Variants in WIZ observed in about 807,000 individuals in gnomAD.
WIZ encodes WIZ zinc finger, also known as protein Wiz.
WIZ carries 25 observed loss-of-function variants against 140.2 expected under a neutral mutation model. The ratio of observed to expected loss-of-function variants is 0.18; its 90% CI spans 0.13 to 0.25. The LOEUF (loss-of-function observed/expected upper bound fraction) is 0.25, where lower values mean the gene tolerates loss of function less well. Ranked by LOEUF, WIZ falls within the 10% of genes least tolerant of loss-of-function variation. The pLI, the probability that WIZ is intolerant of heterozygous loss-of-function variation, is 1.00. For missense variants in WIZ, 2,231 were observed against 2,632.6 expected (o/e 0.85, Z 3.34); for synonymous variants, 1,125 against 1,154.3 (o/e 0.97, Z 0.51).
rs991112205 is a variant in WIZ at position 15,422,746 on chromosome 19, C to A, written c.*330G>T. 5.3e-6 allele frequency: 2 copies of A among 378,980 alleles called. No individual in the cohort carries two copies. The highest frequency in any genetic ancestry group is 2.1e-5 in the African/African-American group (1 of 48,704). 23.5% of individuals were successfully genotyped at this position (378,980 alleles called of 1,614,324 possible). ...GCAAATGGCCACGGATGGCAGACAT[C>A]GCCCTGCCTGGCTGCTAGACGGGGG... On this transcript the variant is annotated 3_prime_UTR_variant, in exon 13 of 13. Coordinates refer to ENST00000673675, the MANE Select transcript of WIZ (RefSeq NM_001371589.1).
rs768538747 is a variant in WIZ, at chr19:15,427,126, G to A, written c.4222C>T (p.Pro1408Ser). 2 of 1,614,206 alleles carry A rather than the reference G, an allele frequency of 1.2e-6. No individual in the cohort carries two copies. Among genetic ancestry groups the A allele is most frequent in the Admixed American group, 1.7e-5 (1 of 60,020 alleles). ...GGCTTCAGCTTCTTGGGCAAGGAGG[G>A]TGCAGCCAGGCCTGGGAACATCTTT... is the stretch of plus-strand genomic sequence containing the variant. ...ARKMFPGLAA[P>S]SLPKKLKPEQ... The change falls in exon 9 of 13, where the codon CCC becomes TCC. Residue 1408 changes from proline to serine, a missense_variant. Physicochemically the swap from Pro to Ser is moderately conservative, Grantham distance 74 (BLOSUM62 -1). Coordinates refer to ENST00000673675, the MANE Select transcript of WIZ (RefSeq NM_001371589.1). The surrounding 1 kb of genome is among the most constrained non-coding windows in gnomAD (Gnocchi z 6.4).
rs77626691 is a variant in WIZ, at chr19:15,424,468, G to T, written c.5315-90C>A. The stretch of plus-strand genomic sequence containing the variant: ...CAAGAGCTGAGGACTGATGCTACCT[G>T]GATGGGTGGGATGGGGGATGGATGG... On this transcript the variant is annotated intron_variant, in intron 11 of 12. Coordinates refer to ENST00000673675, the MANE Select transcript of WIZ (RefSeq NM_001371589.1). The surrounding 1 kb of genome is among the most constrained non-coding windows in gnomAD (Gnocchi z 9.7). 3,634 of 1,530,000 alleles carry T rather than the reference G, an allele frequency of 2.4e-3. 67 individuals are homozygous for T. In the African/African-American group the frequency reaches 0.047, roughly 20 times the overall value. 94.8% of individuals were successfully genotyped at this position (1,530,000 alleles called of 1,614,324 possible).
In WIZ at chr19:15,423,355, G is replaced by A; in HGVS notation, c.5511-120C>T. 3 of 1,285,464 alleles carry A rather than the reference G, an allele frequency of 2.3e-6. No homozygotes were observed. The South Asian group carries it at 4.5e-5, about 19-fold the overall frequency. 79.6% of individuals were successfully genotyped at this position (1,285,464 alleles called of 1,614,324 possible). A position where few individuals can be genotyped will look rare whatever the true frequency, so the allele number is the denominator to read the frequency against. ...CAGTGTGGACAGAGCCAGCCCAGGA[G>A]GCGGGGGAAGAGGGACCCAGAAGTC... On this transcript the variant is annotated intron_variant, in intron 12 of 12. Coordinates refer to ENST00000673675, the MANE Select transcript of WIZ (RefSeq NM_001371589.1).
chr19:15,448,109 T>A lies in WIZ; in HGVS notation c.199A>T (p.Ile67Phe), dbSNP rs1969981926. ...PRDILDGRGG[I>F]SDGQPHPGLS... Reference sequence around the variant, plus strand: ...ACACGGCCCATTCTCTTACCAGAGATGCCACCTCTGCCATCCAGAATGTCT... The same window carrying A: ...ACACGGCCCATTCTCTTACCAGAGAAGCCACCTCTGCCATCCAGAATGTCT... The change falls in exon 2 of 13, where the codon ATC becomes TTC. Residue 67 changes from isoleucine (I) to phenylalanine (F), a missense_variant. By Grantham distance (21) the Ile-to-Phe change is conservative (BLOSUM62 0). This residue lies in a region of WIZ where 85 missense variants were observed against 90.9 expected (regional missense o/e 0.94). Transcript: ENST00000673675. 1 of 1,612,076 alleles carries A rather than the reference T, an allele frequency of 6.2e-7. No individual in the cohort carries two copies. The highest frequency in any genetic ancestry group is 2.2e-5 in the East Asian group (1 of 44,812).
rs1599724672 is a variant in WIZ at position 15,449,718 on chromosome 19, C to T, written c.-61+80G>A. 2.8e-5 allele frequency: 4 copies of T among 140,946 alleles called. 1 individual carries two copies. Among genetic ancestry groups the T allele is most frequent in the South Asian group, 2.3e-4 (1 of 4,316 alleles). 8.7% of individuals were successfully genotyped at this position (140,946 alleles called of 1,614,324 possible). ...CCCCGCCCCGGGGGGTCCCGCCTGG[C>T]CCGGCCCGGCCCGGGGCCTCCCCCG... On this transcript the variant is annotated intron_variant, in intron 1 of 12. Transcript: ENST00000673675.
intron 12 of WIZ, among the ~76,000 whole-genome samples, 159 bp from the exon 13 acceptor site, chr19:15,423,394 G>T (rs768022195): frequency 7.2e-5 from 11 of 152,262 alleles, no homozygotes; most frequent in African/African-American, 2.6e-4. Context: ...CGTTTCCCAT[G>T]GACAGCCACC....
At position 15,439,929 on chromosome 19, in the gene WIZ, C is replaced by A. The variant is rs759144037; in HGVS notation, c.1065G>T (p.Gly355=). Residue 355 remains glycine, a synonymous_variant, in exon 4 of 13, where the codon GGG becomes GGT. Coordinates refer to ENST00000673675, the MANE Select transcript of WIZ (RefSeq NM_001371589.1). This position sits in a 1 kb window ranked among gnomAD's most constrained non-coding sequence, Gnocchi z 7.0. ...GGTCAGCAAAGGCCCAGCCACACTC[C>A]CCGCAGGCCAGCGGGGCCAGGTCCG... ...PPADLAPLAC[G]ECGWAFADPT... is the part of the protein sequence containing the mutation. The A allele has an allele frequency of 2.0e-6, 3 of 1,532,394 alleles. No individual in the cohort carries two copies. Among genetic ancestry groups the A allele is most frequent in the Non-Finnish European group, 2.6e-6 (3 of 1,144,916 alleles). The allele number at this position is 1,532,394 out of a possible 1,614,324, so 94.9% of individuals were successfully genotyped here. A position where few individuals can be genotyped will look rare whatever the true frequency, so the allele number is the denominator to read the frequency against.
rs781512623 is a variant in WIZ at position 15,423,242 on chromosome 19, G to A, written c.5511-7C>T. 6 of 1,612,668 alleles carry A rather than the reference G, an allele frequency of 3.7e-6. No homozygotes were observed. The highest frequency in any genetic ancestry group is 4.5e-5 in the East Asian group (2 of 44,880). ...GAATTCCACCTCACAGAACCTGCAT[G>A]GGGGAACAGAGAGAGGGAGTGGCCA... On this transcript the variant is annotated splice_polypyrimidine_tract_variant and splice_region_variant and intron_variant, in intron 12 of 12. Coordinates refer to ENST00000673675, the MANE Select transcript of WIZ (RefSeq NM_001371589.1).
chr19:15,439,688 A>T lies in WIZ; in HGVS notation c.1306T>A (p.Phe436Ile). Residue 436 changes from phenylalanine to isoleucine, a missense_variant, in exon 4 of 13, where the codon TTT becomes ATT. Coordinates refer to ENST00000673675, the MANE Select transcript of WIZ (RefSeq NM_001371589.1). The surrounding 1 kb of genome is among the most constrained non-coding windows in gnomAD (Gnocchi z 7.0). ...EPPGQTTKEP[F>I]GGSSGAGSPS... ...CTGCCAGCCCCGCTGCTGCCTCCAA[A>T]AGGCTCTTTGGTGGTCTGGCCTGGG... 6.7e-7 allele frequency: 1 copy of T among 1,500,804 alleles called. No homozygotes were observed. The allele number at this position is 1,500,804 out of a possible 1,614,324, so 93.0% of individuals were successfully genotyped here.
chr19:15,423,372 C>A, intron 12 of WIZ, 137 bp from the exon 13 acceptor site: 1 of 1,113,474 alleles, frequency 9.0e-7, no homozygotes, highest in East Asian at 2.6e-5. Context: ...GAAGAGGGAC[C>A]CAGAAGTCAG....
rs140038466 is a variant in WIZ at position 15,437,994 on chromosome 19, GAC to G, written c.2416+582_2416+583del. ...CCTTGCCCCCAACCCCTAGTGCGTAGACACACACACACACACACGCACACACA... is the reference window on the plus strand; with the variant it reads ...CCTTGCCCCCAACCCCTAGTGCGTAGACACACACACACACACGCACACACA... On this transcript the variant is annotated intron_variant, in intron 4 of 12. Coordinates refer to ENST00000673675, the MANE Select transcript of WIZ (RefSeq NM_001371589.1). Among the ~76,000 whole-genome samples the G allele has an allele frequency of 1.1e-3, 162 of 150,506 alleles. 1 individual carries two copies. Among genetic ancestry groups the G allele is most frequent in the Admixed American group, 1.2e-3 (18 of 15,134 alleles).
chr19:15,431,224 G>A, intron 5 of WIZ, 42 bp from the exon 6 acceptor site: 1 of 1,476,018 alleles, frequency 6.8e-7, no homozygotes, highest in Non-Finnish European at 9.0e-7. Context: ...CAAATTTCAG[G>A]CTGTCTATAC....
chr19:15,428,234 C>A lies in WIZ; in HGVS notation c.3690G>T (p.Pro1230=), dbSNP rs1047171084. ...AALSLLPPPP[P]AKKAKLKAAG... ...CGGCCTTCAGCTTGGCCTTCTTGGCCGGCGGTGGGGGGGGAAGCAAGGAGA... is the reference window on the plus strand; with the variant it reads ...CGGCCTTCAGCTTGGCCTTCTTGGCAGGCGGTGGGGGGGGAAGCAAGGAGA... The change falls in exon 8 of 13, where the codon CCG becomes CCT. Residue 1230 remains proline (P), a synonymous_variant. Transcript: ENST00000673675. This position sits in a 1 kb window ranked among gnomAD's most constrained non-coding sequence, Gnocchi z 6.4. The A allele has an allele frequency of 7.2e-6, 11 of 1,531,440 alleles. No individual in the cohort carries two copies. The highest frequency in any genetic ancestry group is 9.6e-6 in the Non-Finnish European group (11 of 1,145,414). The allele number at this position is 1,531,440 out of a possible 1,614,324, so 94.9% of individuals were successfully genotyped here.
intron 7 of WIZ, 105 bp downstream of exon 7, chr19:15,429,481 A>ACCCCCCCCC: frequency 1.4e-5 from 11 of 774,594 alleles, no homozygotes; most frequent in South Asian, 8.7e-5. Flanking sequence ...TGTAGTCCCC[A>ACCCCCCCCC]CCGCCCCCAC....
Position 15,439,168 on chromosome 19 carries a change from C to T in WIZ, c.1826G>A (p.Arg609Gln), listed in dbSNP as rs532844573. The change falls in exon 4 of 13, where the codon CGG becomes CAG. Residue 609 changes from arginine (R) to glutamine (Q), a missense_variant. Transcript: ENST00000673675. This position sits in a 1 kb window ranked among gnomAD's most constrained non-coding sequence, Gnocchi z 7.0. ...CTCCTCTTCGCTCCAAGGGCGCCTCCGTTCCCCCAGCCCTTGTGGGTGGAC... is the reference window on the plus strand; with the variant it reads ...CTCCTCTTCGCTCCAAGGGCGCCTCTGTTCCCCCAGCCCTTGTGGGTGGAC... ...STVHPQGLGE[R>Q]RRPWSEEEEE... The T allele has an allele frequency of 5.2e-6, 8 of 1,532,762 alleles. No individual in the cohort carries two copies. The highest frequency in any genetic ancestry group is 3.9e-5 in the Admixed American group (2 of 50,678). The allele number at this position is 1,532,762 out of a possible 1,614,324, so 94.9% of individuals were successfully genotyped here.
Position 15,439,546 on chromosome 19 carries a change from A to G in WIZ, c.1448T>C (p.Val483Ala). Residue 483 changes from valine (V) to alanine (A), a missense_variant, in exon 4 of 13, where the codon GTG (valine) becomes GCG (alanine). Around this residue, in one of 15 missense-constraint regions of WIZ, gnomAD observed 475 missense variants for 520.2 expected, o/e 0.91. Coordinates refer to ENST00000673675, the MANE Select transcript of WIZ (RefSeq NM_001371589.1). This position sits in a 1 kb window ranked among gnomAD's most constrained non-coding sequence, Gnocchi z 7.0. Reference sequence around the variant, plus strand: ...GTGGGGATGGGCATGCACCAGCCTCACGTGCTCCCTGAGCAGGCTCTCGCT... The same window carrying G: ...GTGGGGATGGGCATGCACCAGCCTCGCGTGCTCCCTGAGCAGGCTCTCGCT... ...APSESLLREH[V>A]RLVHAHPHWE... The G allele has an allele frequency of 6.6e-7, 1 of 1,517,104 alleles. No individual in the cohort carries two copies. The allele number at this position is 1,517,104 out of a possible 1,614,324, so 94.0% of individuals were successfully genotyped here. A position where few individuals can be genotyped will look rare whatever the true frequency, so the allele number is the denominator to read the frequency against.
Position 15,425,398 on chromosome 19 carries a change from CCCAGTGATGGGCG to C in WIZ, c.4724_4736del (p.Thr1575ArgfsTer85), listed in dbSNP as rs1388384222. On this transcript the variant is annotated frameshift_variant, in exon 10 of 13. Transcript: ENST00000673675. LOFTEE classifies it high-confidence loss of function. ...GGTAGCCAGTGGCTGAGGGCTTGGC[CCCAGTGATGGGCG>C]TCAGGCTGAGCTCACGAGGAACCTG... 6.4e-7 allele frequency: 1 copy of C among 1,557,344 alleles called. No homozygotes were observed. Among genetic ancestry groups the C allele is most frequent in the African/African-American group, 1.4e-5 (1 of 73,316 alleles).
rs1180469492 is a variant in WIZ, at chr19:15,437,110, G to A, written c.2436C>T (p.Gly812=). 1 of 1,604,966 alleles carries A rather than the reference G, an allele frequency of 6.2e-7. No individual in the cohort carries two copies. Among genetic ancestry groups the A allele is most frequent in the Non-Finnish European group, 8.5e-7 (1 of 1,176,096 alleles). Residue 812 remains glycine (G), a synonymous_variant, in exon 5 of 13, where the codon GGC becomes GGT. Transcript: ENST00000673675. The part of the protein sequence containing the change: ...KKKKVANFDP[G]TFSLMRCDFC... ...AGTCACAGCGCATCAGGCTGAAGGTGCCTGGGTCAAAGTTGGCCACTGTGG... is the reference window on the plus strand; with the variant it reads ...AGTCACAGCGCATCAGGCTGAAGGTACCTGGGTCAAAGTTGGCCACTGTGG...
At position 15,428,055 on chromosome 19, in the gene WIZ, CGGGAGGGG is replaced by C; in HGVS notation, c.3814+47_3814+54del. 6.6e-7 allele frequency: 1 copy of C among 1,511,318 alleles called. No individual in the cohort carries two copies. 93.6% of individuals were successfully genotyped at this position (1,511,318 alleles called of 1,614,324 possible). ...AGGGAGGGGGCTGTGACCCCCCCCC[CGGGAGGGG>C]CTCCAGGGCCCGCAGTGAGGAGGGG... On this transcript the variant is annotated intron_variant, in intron 8 of 12. Transcript: ENST00000673675. This position sits in a 1 kb window ranked among gnomAD's most constrained non-coding sequence, Gnocchi z 6.4.
Sources: allele counts gnomAD v4.1 joint callset (sites outside exome capture counted in the v4.1 genomes callset), GRCh38; gene constraint gnomAD v4.1.1; regional missense constraint gnomAD v4.1.1; non-coding constraint Gnocchi (gnomAD v3.1); transcripts MANE v1.5; gene names NCBI Gene and HGNC (gene_info 2026-07-23, HGNC 2026-07-21).